PDE4D: variants seen among roughly 807,000 people sequenced by gnomAD.
PDE4D encodes the protein phosphodiesterase 4D.
Under a neutral mutation model 87.4 loss-of-function variants are expected in PDE4D, and 24 were observed. The ratio of observed to expected loss-of-function variants is 0.27; its 90% CI spans 0.20 to 0.39. The LOEUF (loss-of-function observed/expected upper bound fraction) is 0.39, where lower values mean the gene tolerates loss of function less well. Ranked by LOEUF, PDE4D falls within the 10% of genes least tolerant of loss-of-function variation. The pLI is 1.00. For missense variants in PDE4D, 714 were observed against 1,041.0 expected, an observed-to-expected ratio of 0.69 and a Z score of 4.32; for synonymous variants, 384 against 383.2, an observed-to-expected ratio of 1.00 and a Z score of -0.02.
chr5:60,460,258 C>A, intron 1 of PDE4D: 1 of 1,104,194 alleles, frequency 9.1e-7, no homozygotes, highest in Admixed American at 1.7e-5. Flanking sequence ...AGATGGATCA[C>A]CACTCTCATT....
intron 3 of PDE4D, among the ~76,000 whole-genome samples, chr5:59,922,564 C>A (rs1754790795): frequency 6.6e-6 from 1 of 152,062 alleles, no homozygotes; most frequent in South Asian, 2.1e-4. Context: ...CCATTACAGG[C>A]CTTACCTCCT....
intron 1 of PDE4D, among the ~76,000 whole-genome samples, chr5:59,257,856 G>A (rs1452640262): frequency 1.3e-5 from 2 of 151,710 alleles, no homozygotes; most frequent in Admixed American, 1.3e-4. Context: ...TTTTTCCTAG[G>A]TGAAGTCCAC....
chr5:60,197,070 T>TAGATAGATAGATAGATAGATAGAC (rs1316937670), intron 1 of PDE4D, among the ~76,000 whole-genome samples: 15 of 123,012 alleles, frequency 1.2e-4, no homozygotes, highest in East Asian at 2.4e-4. Flanking sequence ...GATAGATAGA[T>TAGATAGATAGATAGATAGATAGAC]AGACAGTTAG....
chr5:59,840,772 G>C lies in PDE4D; in HGVS notation c.455+52396C>G, dbSNP rs760173620. On this transcript the variant is annotated intron_variant, in intron 1 of 14. Transcript: ENST00000340635. ...CAAATAGAGTTCTTGAAAAGGAAGG[G>C]CTTCTTTGTAATATAGTGCTTTCTG... is the stretch of plus-strand genomic sequence containing the variant. 5.9e-5 allele frequency among the ~76,000 whole-genome samples: 9 copies of C among 152,038 alleles called. No homozygotes were observed. In the East Asian group the frequency reaches 1.7e-3, roughly 29 times the overall value.
At chr5:60,359,778 T>C (rs1759904146) in intron 1 of PDE4D, among the ~76,000 whole-genome samples, 2 of 152,156 alleles carry the variant, frequency 1.3e-5, no homozygotes, top group African/African-American at 4.8e-5. Flanking sequence ...TGCACTAATA[T>C]TATGGAATCA....
chr5:59,690,748 A>G (rs891515735), intron 1 of PDE4D, among the ~76,000 whole-genome samples: 58 of 152,362 alleles, frequency 3.8e-4, no homozygotes, highest in African/African-American at 1.4e-3. Context: ...GAGCTTCTGC[A>G]CAGCAGAAGA....
intron 1 of PDE4D, among the ~76,000 whole-genome samples, chr5:59,626,920 T>A (rs1830967106): frequency 6.6e-6 from 1 of 152,222 alleles, no homozygotes; most frequent in African/African-American, 2.4e-5. Context: ...CTGATAAATA[T>A]GCTCCTACTT....
At chr5:59,831,009 G>C (rs1239798012) in intron 1 of PDE4D, among the ~76,000 whole-genome samples, 1 of 151,942 alleles carries the variant, frequency 6.6e-6, no homozygotes, top group East Asian at 1.9e-4. Context: ...GACAGTAATG[G>C]TTTGACTACA....
chr5:59,571,477 T>G (rs557822195), intron 1 of PDE4D, among the ~76,000 whole-genome samples: 7 of 152,308 alleles, frequency 4.6e-5, no homozygotes, highest in African/African-American at 1.4e-4. Flanking sequence ...AGATAGATTT[T>G]GGGGAGAGGT....
chr5:59,853,290 G>A (rs1310728050), intron 1 of PDE4D, among the ~76,000 whole-genome samples: 1 of 151,980 alleles, frequency 6.6e-6, no homozygotes, highest in Non-Finnish European at 1.5e-5. Context: ...TTTAATGTCT[G>A]TAAAATTAGA....
intron 5 of PDE4D, among the ~76,000 whole-genome samples, chr5:59,092,025 A>G (rs961114954): frequency 6.6e-6 from 1 of 152,178 alleles, no homozygotes; most frequent in Admixed American, 6.5e-5. Flanking sequence ...TCTCCCCAAA[A>G]CTGCCAAACA....
At chr5:59,034,442 C>T (rs7735570) in intron 6 of PDE4D, among the ~76,000 whole-genome samples, 15,769 of 152,070 alleles carry the variant, frequency 0.1, 1,295 homozygotes, top group East Asian at 0.47. Flanking sequence ...TTGAGTTACA[C>T]TGTAGTTGCA....
chr5:59,973,072 C>T (rs1022440139), intron 3 of PDE4D, among the ~76,000 whole-genome samples: 2 of 152,054 alleles, frequency 1.3e-5, no homozygotes, highest in African/African-American at 4.8e-5. Flanking sequence ...ATTGGATTGC[C>T]TGTGAAAAAC....
chr5:59,872,262 T>TACACACACACAC (rs71606610), intron 1 of PDE4D, among the ~76,000 whole-genome samples: 3 of 131,750 alleles, frequency 2.3e-5, no homozygotes, highest in African/African-American at 9.4e-5. Flanking sequence ...ACAGAAGAGT[T>TACACACACACAC]ACACACACAC....
intron 1 of PDE4D, among the ~76,000 whole-genome samples, chr5:59,612,789 C>T (rs894095017): frequency 6.6e-6 from 1 of 152,056 alleles, no homozygotes; most frequent in African/African-American, 2.4e-5. Context: ...CAGGCTGATG[C>T]AAGTTCTGGC....
intron 2 of PDE4D, among the ~76,000 whole-genome samples, chr5:60,115,208 C>T (rs1033044127): frequency 6.6e-6 from 1 of 152,110 alleles, no homozygotes; most frequent in Non-Finnish European, 1.5e-5. Context: ...AGGTCTCCCT[C>T]TGGAAGTAGC....
rs1743561258 is a variant in PDE4D at position 58,975,762 on chromosome 5, G to A, written c.1908C>T (p.Asp636=). ...KPLQLYRQWT[D]RIMEEFFRQG... Reference sequence around the variant, plus strand: ...GGCGGAAGAACTCCTCCATTATCCGGTCCGTCCACTGGCGGTACAGCTGGA... The same window carrying A: ...GGCGGAAGAACTCCTCCATTATCCGATCCGTCCACTGGCGGTACAGCTGGA... The change falls in exon 14 of 15, where the codon GAC becomes GAT. Residue 636 remains aspartate (D), a synonymous_variant. Coordinates refer to ENST00000340635, the MANE Select transcript of PDE4D (RefSeq NM_001104631.2). This position sits in a 1 kb window ranked among gnomAD's most constrained non-coding sequence, Gnocchi z 4.2. The A allele has an allele frequency of 6.2e-7, 1 of 1,612,708 alleles. No individual in the cohort carries two copies. The highest frequency in any genetic ancestry group is 1.3e-5 in the African/African-American group (1 of 74,792).
chr5:59,163,123 T>TC (rs1457302326), intron 5 of PDE4D, among the ~76,000 whole-genome samples: 1 of 148,038 alleles, frequency 6.8e-6, no homozygotes, highest in Non-Finnish European at 1.5e-5. Context: ...TTTTTTTTTT[T>TC]CAGTAGAGAC....
chr5:60,417,955 A>G (rs1742759044), intron 1 of PDE4D, among the ~76,000 whole-genome samples: 1 of 152,218 alleles, frequency 6.6e-6, no homozygotes, highest in South Asian at 2.1e-4. Flanking sequence ...TTTCATAACA[A>G]TGAGTTCACA....
Sources: gnomAD v4.1 joint callset for allele counts (sites outside exome capture counted in the v4.1 genomes callset) on GRCh38, gnomAD v4.1.1 for gene constraint, Gnocchi (gnomAD v3.1) non-coding constraint, MANE v1.5 for transcripts, NCBI Gene and HGNC (gene_info 2026-07-23, HGNC 2026-07-21) for gene names.